The following SOX30 variants were observed in gnomAD, a reference collection of about 807,000 sequenced individuals.
SOX30 encodes transcription factor SOX-30.
In SOX30, 17 loss-of-function variants were observed where a neutral mutation model predicts 58.6. The ratio of observed to expected loss-of-function variants is 0.29; its 90% CI spans 0.20 to 0.44. SOX30 has a LOEUF of 0.44. SOX30 is among the 20% of genes least tolerant of loss of function. The pLI is 1.00. For missense variants in SOX30, 951 were observed against 965.8 expected, an observed-to-expected ratio of 0.98 and a Z score of 0.20; for synonymous variants, 421 against 400.2, an observed-to-expected ratio of 1.05 and a Z score of -0.62.
chr5:157,661,249 G>A (rs1452850071), intron 2 of SOX30, among the ~76,000 whole-genome samples: 1 of 152,146 alleles, frequency 6.6e-6, no homozygotes, highest in African/African-American at 2.4e-5. Context: ...TCACCTTTAA[G>A]CATGTTGTTA....
At chr5:157,627,742 C>A (rs893465216) in intron 4 of SOX30, among the ~76,000 whole-genome samples, 2 of 152,242 alleles carry the variant, frequency 1.3e-5, no homozygotes, top group Admixed American at 1.3e-4. Flanking sequence ...CGCCTGTAAT[C>A]CCAGCACTCT....
chr5:157,668,570 GTCCA>G (rs988314625), intron 1 of SOX30, among the ~76,000 whole-genome samples: 5 of 151,096 alleles, frequency 3.3e-5, no homozygotes, highest in African/African-American at 9.8e-5. Context: ...TCATCCATCC[GTCCA>G]TCCATCCATC....
rs139245199 is a variant in SOX30, at chr5:157,628,802, C to T, written c.1881-2081G>A. ...GATTACAGGTGCCCGCCACCATGTC[C>T]GGCTAATTTTTGTATTTTAGTAGAG... On this transcript the variant is annotated intron_variant, in intron 4 of 4. Coordinates refer to ENST00000265007, the MANE Select transcript of SOX30 (RefSeq NM_178424.2). 2.2e-3 allele frequency among the ~76,000 whole-genome samples: 340 copies of T among 152,066 alleles called. 1 individual carries two copies. Among genetic ancestry groups the T allele is most frequent in the Middle Eastern group, 0.017 (5 of 294 alleles).
chr5:157,628,255 G>C (rs1024339075), intron 4 of SOX30, among the ~76,000 whole-genome samples: 1 of 151,888 alleles, frequency 6.6e-6, no homozygotes, highest in Non-Finnish European at 1.5e-5. Context: ...GCATAGAGCA[G>C]GAATTATAGG....
In SOX30 at chr5:157,651,839, C is replaced by A; in HGVS notation, c.240G>T (p.Leu80=). 6.3e-7 allele frequency: 1 copy of A among 1,585,394 alleles called. No individual in the cohort carries two copies. Among genetic ancestry groups the A allele is most frequent in the Admixed American group, 1.8e-5 (1 of 57,002 alleles). The change falls in exon 1 of 5, where the codon CTG becomes CTT. Residue 80 remains leucine, a synonymous_variant. Transcript: ENST00000265007. ...LLQVKPEQVL[L]LPQPQAQNEE... is the part of the protein sequence containing the mutation. Reference sequence around the variant, plus strand: ...CGTTCTGGGCCTGAGGCTGTGGTAGCAGCAACACCTGCTCTGGCTTCACCT... The same window carrying A: ...CGTTCTGGGCCTGAGGCTGTGGTAGAAGCAACACCTGCTCTGGCTTCACCT...
At chr5:157,653,644 A>G (rs1297876586), upstream of SOX30, among the ~76,000 whole-genome samples, 1 of 152,212 alleles carries the variant, frequency 6.6e-6, no homozygotes, top group Non-Finnish European at 1.5e-5. Context: ...GAAATCCTGT[A>G]TTAACATTTG....
intron 4 of SOX30, among the ~76,000 whole-genome samples, chr5:157,634,716 T>G (rs1758885431): frequency 6.6e-6 from 1 of 152,170 alleles, no homozygotes; most frequent in African/African-American, 2.4e-5. Flanking sequence ...GGTGTGATCT[T>G]GGTTCACTGC....
In SOX30 at chr5:157,659,829, A is replaced by G. The variant is rs910058266; in HGVS notation, c.52+7969T>C. ...TTCCAGATCACAGGTGGATTCAAAG[A>G]TTTTCTGAATGGCAATTGGTTGAAA... is the stretch of plus-strand genomic sequence containing the variant. On this transcript the variant is annotated intron_variant, in intron 2 of 5. Coordinates refer to the SOX30 transcript ENST00000519442. Among the ~76,000 whole-genome samples the G allele has an allele frequency of 2.6e-5, 4 of 152,314 alleles. No individual in the cohort carries two copies. In the South Asian group the frequency reaches 8.3e-4, roughly 32 times the overall value.
intron 2 of SOX30, among the ~76,000 whole-genome samples, chr5:157,657,506 C>T (rs1315787071): frequency 6.6e-6 from 1 of 152,152 alleles, no homozygotes; most frequent in Middle Eastern, 3.2e-3. Context: ...AAGGAAAACA[C>T]TTTCAGAATA....
At chr5:157,653,146 T>C (rs1317475190), upstream of SOX30, among the ~76,000 whole-genome samples, 1 of 152,230 alleles carries the variant, frequency 6.6e-6, no homozygotes, top group Non-Finnish European at 1.5e-5. Flanking sequence ...TTAAACATGC[T>C]CAGCATGCTA....
Position 157,665,049 on chromosome 5 carries a change from AAGG to A in SOX30, c.52+2746_52+2748del, listed in dbSNP as rs1759645385. On this transcript the variant is annotated intron_variant, in intron 2 of 5. Transcript: ENST00000519442. Reference sequence around the variant, plus strand: ...GTGGAAGACAGTGTGACAATTCCTCAAGGATCTAGAACTAGAAATACCATTTGA... The same window carrying A: ...GTGGAAGACAGTGTGACAATTCCTCAATCTAGAACTAGAAATACCATTTGA... Among the ~76,000 whole-genome samples, 4 of 152,368 alleles carry A rather than the reference AAGG, an allele frequency of 2.6e-5. No individual in the cohort carries two copies. The South Asian group carries it at 8.3e-4, about 32-fold the overall frequency.
chr5:157,649,488 A>G (rs1759274857), intron 1 of SOX30, among the ~76,000 whole-genome samples: 1 of 152,190 alleles, frequency 6.6e-6, no homozygotes, highest in African/African-American at 2.4e-5. Flanking sequence ...ATGAAAGAAA[A>G]CAATAAAAAT....
At chr5:157,656,627 C>A (rs7728747), upstream of SOX30, among the ~76,000 whole-genome samples, 13 of 152,050 alleles carry the variant, frequency 8.5e-5, no homozygotes, top group Non-Finnish European at 1.3e-4. Flanking sequence ...AAGTAAAAAT[C>A]GCTGAAAGTT....
upstream of SOX30, among the ~76,000 whole-genome samples, chr5:157,655,556 A>G (rs1759454943): frequency 6.6e-6 from 1 of 152,134 alleles, no homozygotes; most frequent in Non-Finnish European, 1.5e-5. Context: ...CAGGTACAGG[A>G]TCATGGGACA....
chr5:157,632,355 T>C (rs1342868627), intron 4 of SOX30, among the ~76,000 whole-genome samples: 1 of 152,232 alleles, frequency 6.6e-6, no homozygotes, highest in East Asian at 1.9e-4. Context: ...GTTCCCTCTG[T>C]GCGTAGCTCT....
rs774777458 is a variant in SOX30, at chr5:157,626,624, C to T, written c.1978G>A (p.Glu660Lys). The part of the protein sequence containing the change: ...SYYEDRYPKH[E>K]GIFSTLNRDY... Reference sequence around the variant, plus strand: ...CTATTTAAAGTTGAAAAGATACCCTCATGTTTTGGGTACCTGTCTTCATAA... The same window carrying T: ...CTATTTAAAGTTGAAAAGATACCCTTATGTTTTGGGTACCTGTCTTCATAA... The change falls in exon 5 of 5, where the codon GAG becomes AAG. Residue 660 changes from glutamate (E) to lysine (K), a missense_variant. Glu to Lys is a moderately conservative substitution (Grantham distance 56, BLOSUM62 1). Around this residue, in one of 7 missense-constraint regions of SOX30, gnomAD observed 381 missense variants for 390.0 expected, o/e 0.98. Transcript: ENST00000265007. The T allele has an allele frequency of 6.2e-7, 1 of 1,614,078 alleles. No individual in the cohort carries two copies. The highest frequency in any genetic ancestry group is 8.5e-7 in the Non-Finnish European group (1 of 1,179,950).
At chr5:157,660,323 G>A (rs998362293) in intron 2 of SOX30, among the ~76,000 whole-genome samples, 3 of 152,158 alleles carry the variant, frequency 2.0e-5, no homozygotes, top group African/African-American at 4.8e-5. Context: ...TCGGGAGGCC[G>A]AGGCTGGAGA....
chr5:157,635,106 G>A (rs1758895125), intron 4 of SOX30, among the ~76,000 whole-genome samples: 1 of 152,124 alleles, frequency 6.6e-6, no homozygotes, highest in Non-Finnish European at 1.5e-5. Flanking sequence ...ACACATACAG[G>A]TAGAGTCAGA....
chr5:157,631,057 A>ATACTATATATTT (rs1561578515), intron 4 of SOX30, among the ~76,000 whole-genome samples: 1 of 48,560 alleles, frequency 2.1e-5, no homozygotes, highest in Non-Finnish European at 4.1e-5. Flanking sequence ...TTATATATAT[A>ATACTATATATTT]TATATATATA....
Sources: allele counts gnomAD v4.1 joint callset (sites outside exome capture counted in the v4.1 genomes callset), GRCh38; gene constraint gnomAD v4.1.1; regional missense constraint gnomAD v4.1.1; transcripts MANE v1.5; gene names NCBI Gene and HGNC (gene_info 2026-07-23, HGNC 2026-07-21).